Variants in AK9 observed in about 807,000 individuals in gnomAD.
AK9 encodes the protein adenylate kinase 9, also known as adenylate kinase domain containing 1.
Under a neutral mutation model 239.6 loss-of-function variants are expected in AK9, and 191 were observed. The ratio of observed to expected loss-of-function variants is 0.80; its 90% CI spans 0.71 to 0.90. The LOEUF (loss-of-function observed/expected upper bound fraction) is 0.90. Ranked by LOEUF, AK9 falls within the 40% of genes least tolerant of loss-of-function variation. AK9 has a pLI of 0.00. For synonymous variants in AK9, 689 were observed against 721.0 expected, an observed-to-expected ratio of 0.96 and a Z score of 0.71; for missense variants, 1,995 against 2,214.7, an observed-to-expected ratio of 0.90 and a Z score of 1.99.
intron 17 of AK9, among the ~76,000 whole-genome samples, chr6:109,593,376 C>A: frequency 6.6e-6 from 1 of 151,900 alleles, no homozygotes; most frequent in Non-Finnish European, 1.5e-5. Context: ...TAATTAATAG[C>A]CTACCAACCA....
intron 5 of AK9, among the ~76,000 whole-genome samples, chr6:109,665,505 C>G (rs1201116206): frequency 6.6e-6 from 1 of 152,172 alleles, no homozygotes; most frequent in African/African-American, 2.4e-5. Context: ...CCACACCACC[C>G]TCATTTGGTT....
chr6:109,498,285 C>T (rs547934135), intron 36 of AK9, among the ~76,000 whole-genome samples: 5 of 152,284 alleles, frequency 3.3e-5, no homozygotes, highest in Admixed American at 6.5e-5. Context: ...TGTAATTAAC[C>T]GGTTGGGTGC....
At chr6:109,537,942 T>C (rs181775591) in intron 27 of AK9, among the ~76,000 whole-genome samples, 2 of 152,358 alleles carry the variant, frequency 1.3e-5, no homozygotes, top group East Asian at 3.9e-4. Flanking sequence ...TCCTGAGTTC[T>C]AGTTTGATTG....
At chr6:109,647,078 T>G (rs1430333151) in intron 8 of AK9, among the ~76,000 whole-genome samples, 5 of 151,974 alleles carry the variant, frequency 3.3e-5, no homozygotes, top group African/African-American at 1.2e-4. Flanking sequence ...TTACAAGAGC[T>G]CCTGAGGAAA....
intron 20 of AK9, among the ~76,000 whole-genome samples, chr6:109,578,658 C>A (rs969498794): frequency 2.0e-5 from 3 of 152,058 alleles, no homozygotes; most frequent in Non-Finnish European, 4.4e-5. Context: ...TTCTTTCAGG[C>A]TTTTTGATGT....
At chr6:109,626,469 A>G (rs768669475) in intron 12 of AK9, among the ~76,000 whole-genome samples, 2 of 152,150 alleles carry the variant, frequency 1.3e-5, no homozygotes, top group Non-Finnish European at 2.9e-5. Context: ...CTTTTGTTCT[A>G]TCAGGCAGTT....
At chr6:109,515,577 G>C (rs1463376910) in intron 31 of AK9, among the ~76,000 whole-genome samples, 2 of 152,128 alleles carry the variant, frequency 1.3e-5, no homozygotes. Context: ...TATAATTCTT[G>C]GGCTAGAGTG....
At chr6:109,691,026 CT>C in intron 1 of AK9, 120 bp downstream of exon 1, 1 of 266,424 alleles carries the variant, frequency 3.8e-6, no homozygotes. Flanking sequence ...TCGGAGAACC[CT>C]TTTCAAAAGA....
intron 32 of AK9, among the ~76,000 whole-genome samples, chr6:109,511,198 T>C (rs1778708684): frequency 6.6e-6 from 1 of 151,772 alleles, no homozygotes; most frequent in African/African-American, 2.4e-5. Context: ...CAAATAACAA[T>C]ATAATATTCC....
chr6:109,520,796 T>C (rs1462729818), intron 29 of AK9, among the ~76,000 whole-genome samples: 1 of 152,184 alleles, frequency 6.6e-6, no homozygotes, highest in Admixed American at 6.5e-5. Context: ...CAGTGTTTTG[T>C]AGTTCTCCTT....
At chr6:109,652,205 C>T (rs13199088) in intron 8 of AK9, among the ~76,000 whole-genome samples, 30,401 of 152,092 alleles carry the variant, frequency 0.2, 3,663 homozygotes, top group Middle Eastern at 0.28. Context: ...GCTTATCCAC[C>T]ACGATCAAGT....
At chr6:109,516,214 T>C (rs1256421176) in intron 30 of AK9, 139 bp from the exon 31 acceptor site, 5 of 916,946 alleles carry the variant, frequency 5.5e-6, no homozygotes, top group Non-Finnish European at 8.0e-6. Flanking sequence ...AGTGGCTGCA[T>C]GTTGGTGACT....
intron 27 of AK9, among the ~76,000 whole-genome samples, chr6:109,539,303 T>G (rs1232997107): frequency 1.3e-5 from 2 of 152,212 alleles, no homozygotes; most frequent in Admixed American, 6.5e-5. Context: ...TGTTCATTTC[T>G]TTTTACTCTT....
At chr6:109,670,730 T>G (rs1247836976) in intron 5 of AK9, among the ~76,000 whole-genome samples, 1 of 152,164 alleles carries the variant, frequency 6.6e-6, no homozygotes, top group Non-Finnish European at 1.5e-5. Flanking sequence ...TATATACATA[T>G]CTGTTTCAAA....
chr6:109,526,813 G>C (rs1038021465), intron 29 of AK9, among the ~76,000 whole-genome samples: 1 of 152,092 alleles, frequency 6.6e-6, no homozygotes, highest in Non-Finnish European at 1.5e-5. Flanking sequence ...ACTTTTGCTT[G>C]CTGTTTCAAC....
chr6:109,602,928 C>G (rs544978935), intron 17 of AK9, among the ~76,000 whole-genome samples: 3 of 152,296 alleles, frequency 2.0e-5, no homozygotes, highest in Admixed American at 2.0e-4. Context: ...TCCATCAGGT[C>G]CTCTAAGGAC....
chr6:109,540,324 C>G (rs376838494), intron 27 of AK9, among the ~76,000 whole-genome samples: 5 of 152,192 alleles, frequency 3.3e-5, no homozygotes, highest in Non-Finnish European at 7.3e-5. Context: ...CCCCCAGCCT[C>G]GCTGCCATGT....
intron 12 of AK9, among the ~76,000 whole-genome samples, chr6:109,627,643 A>G (rs11966371): frequency 0.039 from 5,441 of 140,754 alleles, 321 homozygotes; most frequent in African/African-American, 0.13. Flanking sequence ...GTATTGGTTT[A>G]CCACACTGAA....
intron 30 of AK9, 24 bp downstream of exon 30, chr6:109,516,406 A>G: frequency 6.5e-7 from 1 of 1,528,838 alleles, no homozygotes; most frequent in African/African-American, 1.4e-5. Flanking sequence ...TTTGAATTAT[A>G]AAAAGCAAAG....
Sources: gnomAD v4.1 joint callset for allele counts (sites outside exome capture counted in the v4.1 genomes callset) on GRCh38, gnomAD v4.1.1 for gene constraint, MANE v1.5 for transcripts, NCBI Gene and HGNC (gene_info 2026-07-23, HGNC 2026-07-21) for gene names.